Variants in SCAF11 observed in about 807,000 individuals in gnomAD.
SCAF11 encodes the protein SR-related CTD associated factor 11.
Under a neutral mutation model 140.5 loss-of-function variants are expected in SCAF11, and 47 were observed. The observed-to-expected ratio is 0.33, with a 90% confidence interval of 0.26 to 0.43. SCAF11 has a LOEUF of 0.43. Ranked by LOEUF, SCAF11 falls within the 20% of genes least tolerant of loss-of-function variation. SCAF11 has a pLI of 1.00. For missense variants in SCAF11, 1,645 were observed against 1,705.1 expected (o/e 0.96, Z 0.62); for synonymous variants, 557 against 579.4 (o/e 0.96, Z 0.55).
chr12:45,989,157 A>T (rs1397898027), intron 1 of SCAF11, among the ~76,000 whole-genome samples: 1 of 152,228 alleles, frequency 6.6e-6, no homozygotes, highest in African/African-American at 2.4e-5. Flanking sequence ...AATAAAATAC[A>T]AAAACCAACC....
At chr12:45,956,670 T>C (rs1219086615) in intron 3 of SCAF11, among the ~76,000 whole-genome samples, 4 of 152,204 alleles carry the variant, frequency 2.6e-5, no homozygotes, top group South Asian at 2.1e-4. Flanking sequence ...AATCCTTTCA[T>C]GTTCTCCAAG....
At chr12:45,949,365 C>A (rs1469709426) in intron 4 of SCAF11, among the ~76,000 whole-genome samples, 1 of 152,038 alleles carries the variant, frequency 6.6e-6, no homozygotes, top group African/African-American at 2.4e-5. Context: ...AATGTAAAAT[C>A]TCTCAATAAT....
At chr12:45,922,353 G>A in intron 14 of SCAF11, 110 bp downstream of exon 14, 2 of 1,485,936 alleles carry the variant, frequency 1.3e-6, no homozygotes, top group African/African-American at 2.8e-5. Flanking sequence ...AAGTAGACAG[G>A]AATTAGTAGG....
At chr12:45,991,903 C>T, upstream of SCAF11, 1 of 1,287,152 alleles carries the variant, frequency 7.8e-7, no homozygotes. Flanking sequence ...CAGTCGCTTT[C>T]AGCCGCGCGC....
chr12:45,927,227 T>G lies in SCAF11; in HGVS notation c.2474A>C (p.Lys825Thr). The G allele has an allele frequency of 6.2e-7, 1 of 1,614,184 alleles. No homozygotes were observed. The change falls in exon 11 of 15, where the codon AAA becomes ACA. Residue 825 changes from lysine (K) to threonine (T), a missense_variant. Physicochemically the swap from Lys to Thr is moderately conservative, Grantham distance 78 (BLOSUM62 -1). This residue lies in a region of SCAF11 where 1,582 missense variants were observed against 1,609.2 expected (regional missense o/e 0.98). Transcript: ENST00000369367. ...TGGTGATTGAGACTTCCTGCTTTCT[T>G]TCCCAGTTTCTCTTCTGGGAGATGG... ...QSPSPRRETG[K>T]ESRKSQSPSP...
chr12:45,937,063 CTAAG>C (rs1478071830), intron 6 of SCAF11, among the ~76,000 whole-genome samples: 6 of 151,894 alleles, frequency 4.0e-5, no homozygotes, highest in African/African-American at 1.5e-4. Context: ...TTTTCATTTA[CTAAG>C]TATTATATTA....
At chr12:45,978,744 G>T (rs1946289571) in intron 1 of SCAF11, among the ~76,000 whole-genome samples, 2 of 152,150 alleles carry the variant, frequency 1.3e-5, no homozygotes, top group Admixed American at 1.3e-4. Flanking sequence ...ACCCTGGAAA[G>T]ACTTCTGAGC....
In SCAF11 at chr12:45,928,816, C is replaced by G. The variant is rs774862119; in HGVS notation, c.885G>C (p.Gly295=). The part of the protein sequence containing the change: ...KGYALAHTQE[G]EEKKQTSGTS... ...TACCAGAAGTTTGCTTCTTTTCTTCCCCTTCTTGAGTATGTGCTAATGCAT... is the reference window on the plus strand; with the variant it reads ...TACCAGAAGTTTGCTTCTTTTCTTCGCCTTCTTGAGTATGTGCTAATGCAT... The change falls in exon 11 of 15, where the codon GGG becomes GGC. Residue 295 remains glycine, a synonymous_variant. Coordinates refer to ENST00000369367, the MANE Select transcript of SCAF11 (RefSeq NM_004719.3). The G allele has an allele frequency of 6.2e-7, 1 of 1,612,422 alleles. No individual in the cohort carries two copies. The highest frequency in any genetic ancestry group is 1.1e-5 in the South Asian group (1 of 91,040).
chr12:45,954,342 TC>T (rs1422288295), intron 3 of SCAF11, among the ~76,000 whole-genome samples: 2 of 151,960 alleles, frequency 1.3e-5, no homozygotes, highest in African/African-American at 4.8e-5. Context: ...GATCAGATGA[TC>T]CTCCCATGTC....
In SCAF11 at chr12:45,922,712, A is replaced by G. The variant is rs2136491267; in HGVS notation, c.4126-130T>C. On this transcript the variant is annotated intron_variant, in intron 13 of 14. Coordinates refer to ENST00000369367, the MANE Select transcript of SCAF11 (RefSeq NM_004719.3). ...CCAACTATTAACGTGACAAATATAA[A>G]ACAGTTTATTTACTAAAACATATCA... The G allele has an allele frequency of 3.0e-6, 3 of 987,400 alleles. No homozygotes were observed. In the Admixed American group the frequency reaches 8.7e-5, roughly 29 times the overall value. 61.2% of individuals were successfully genotyped at this position (987,400 alleles called of 1,614,324 possible). A position where few individuals can be genotyped will look rare whatever the true frequency, so the allele number is the denominator to read the frequency against.
At chr12:45,988,768 C>T (rs1946521404) in intron 1 of SCAF11, among the ~76,000 whole-genome samples, 1 of 152,120 alleles carries the variant, frequency 6.6e-6, no homozygotes, top group Non-Finnish European at 1.5e-5. Context: ...TTAAAATGTA[C>T]TCAAACTCTC....
chr12:45,934,607 G>A (rs757980161), intron 6 of SCAF11, 102 bp from the exon 7 acceptor site: 19 of 643,310 alleles, frequency 3.0e-5, no homozygotes, highest in Non-Finnish European at 4.5e-5. Context: ...GTTGAAATAC[G>A]TAGAAAAGCT....
In SCAF11 at chr12:45,922,180, C is replaced by T. The variant is rs1944730103; in HGVS notation, c.4260G>A (p.Lys1420=). 3 of 1,607,102 alleles carry T rather than the reference C, an allele frequency of 1.9e-6. No individual in the cohort carries two copies. Among genetic ancestry groups the T allele is most frequent in the Non-Finnish European group, 1.7e-6 (2 of 1,178,350 alleles). The change falls in exon 15 of 15, where the codon AAG becomes AAA. Residue 1420 remains lysine, a synonymous_variant. Transcript: ENST00000369367. ...RKAVDKVCHS[K]SGEVNSTKVA... Reference sequence around the variant, plus strand: ...CTTTAGTAGAATTTACTTCTCCACTCTTACTATGACAAACCTAAGAAAAAA... The same window carrying T: ...CTTTAGTAGAATTTACTTCTCCACTTTTACTATGACAAACCTAAGAAAAAA...
intron 1 of SCAF11, chr12:45,974,318 C>T: frequency 2.3e-6 from 1 of 440,290 alleles, no homozygotes; most frequent in Non-Finnish European, 4.7e-6. Flanking sequence ...TGCTGAAGGG[C>T]AGGGTTGGCT....
chr12:45,962,218 T>C (rs1377056427), intron 2 of SCAF11, among the ~76,000 whole-genome samples: 1 of 152,174 alleles, frequency 6.6e-6, no homozygotes, highest in Non-Finnish European at 1.5e-5. Flanking sequence ...GAATTTTTAA[T>C]GTACAGAAAA....
chr12:45,930,657 C>T (rs773183950), intron 10 of SCAF11, among the ~76,000 whole-genome samples: 2 of 151,984 alleles, frequency 1.3e-5, no homozygotes, highest in Non-Finnish European at 2.9e-5. Flanking sequence ...TGATTTAATA[C>T]TGTATCTTTA....
At chr12:45,961,965 A>T (rs1451528594) in intron 2 of SCAF11, 108 bp from the exon 3 acceptor site, 2 of 682,858 alleles carry the variant, frequency 2.9e-6, no homozygotes, top group Non-Finnish European at 4.5e-6. Context: ...CCTACTATAA[A>T]GCAAATAGAT....
chr12:45,974,431 C>A, intron 1 of SCAF11: 1 of 319,800 alleles, frequency 3.1e-6, no homozygotes, highest in South Asian at 2.5e-5. Flanking sequence ...AGCATTTTAT[C>A]CACAGCAGAA....
At position 45,924,937 on chromosome 12, in the gene SCAF11, C is replaced by T. The variant is rs373694390; in HGVS notation, c.3697G>A (p.Val1233Met). ...TTCATCAAAGGAGCATGAACACCCA[C>T]TGGATATGGGAAGATATTCATAGGC... ...HQPMNIFPYP[V>M]GVHAPLMNIQ... is the part of the protein sequence containing the mutation. The change falls in exon 12 of 15, where the codon GTG (valine) becomes ATG (methionine). Residue 1233 changes from valine to methionine, a missense_variant. Physicochemically the swap from Val to Met is conservative, Grantham distance 21. Around this residue, in one of 2 missense-constraint regions of SCAF11, gnomAD observed 1,582 missense variants for 1,609.2 expected, o/e 0.98. Coordinates refer to ENST00000369367, the MANE Select transcript of SCAF11 (RefSeq NM_004719.3). 1 of 1,614,136 alleles carries T rather than the reference C, an allele frequency of 6.2e-7. No individual in the cohort carries two copies. Among genetic ancestry groups the T allele is most frequent in the Admixed American group, 1.7e-5 (1 of 60,020 alleles).
Sources: gnomAD v4.1 joint callset for allele counts (sites outside exome capture counted in the v4.1 genomes callset) on GRCh38, gnomAD v4.1.1 for gene constraint, gnomAD v4.1.1 regional missense constraint, MANE v1.5 for transcripts, NCBI Gene and HGNC (gene_info 2026-07-23, HGNC 2026-07-21) for gene names.